The following ATP8B1 variants were observed in gnomAD, a reference collection of about 807,000 sequenced individuals.
ATP8B1 encodes the protein ATPase phospholipid transporting 8B1, also known as phospholipid-transporting ATPase IC.
ATP8B1 carries 80 observed loss-of-function variants against 149.9 expected under a neutral mutation model. That is an observed-to-expected ratio of 0.53 (90% CI 0.45 to 0.64). The LOEUF (loss-of-function observed/expected upper bound fraction) is 0.64. ATP8B1 is among the 30% of genes least tolerant of loss of function. The pLI, the probability that ATP8B1 is intolerant of heterozygous loss-of-function variation, is 0.00. For synonymous variants in ATP8B1, 536 were observed against 562.8 expected (o/e 0.95, Z 0.67); for missense variants, 1,247 against 1,552.6 (o/e 0.80, Z 3.31).
chr18:57,717,547 C>CAAAAAA (rs1163024544), intron 2 of ATP8B1, among the ~76,000 whole-genome samples: 2 of 19,928 alleles, frequency 1.0e-4, no homozygotes, highest in African/African-American at 2.5e-4. Flanking sequence ...GACTCTGTCT[C>CAAAAAA]AAAAAAAAAA....
chr18:57,780,431 T>C (rs891614132), intron 1 of ATP8B1, among the ~76,000 whole-genome samples: 2 of 152,214 alleles, frequency 1.3e-5, no homozygotes. Flanking sequence ...TGTTTACATA[T>C]ATTAACAGCT....
chr18:57,735,923 C>A (rs1031245343), intron 1 of ATP8B1, among the ~76,000 whole-genome samples: 1 of 152,082 alleles, frequency 6.6e-6, no homozygotes, highest in East Asian at 1.9e-4. Context: ...AGGTTTTAAG[C>A]CCTGCATGCA....
At chr18:57,715,997 A>AT (rs1332208895) in intron 2 of ATP8B1, among the ~76,000 whole-genome samples, 2 of 152,236 alleles carry the variant, frequency 1.3e-5, no homozygotes, top group African/African-American at 4.8e-5. Flanking sequence ...TGACTAAAAG[A>AT]TTAACTGATA....
intron 2 of ATP8B1, among the ~76,000 whole-genome samples, chr18:57,729,256 C>T (rs1442511642): frequency 6.6e-6 from 1 of 152,144 alleles, no homozygotes; most frequent in African/African-American, 2.4e-5. Flanking sequence ...CCACCAAGCA[C>T]CAAGAGCAAA....
At chr18:57,715,875 CAATAAG>C (rs1272277155) in intron 2 of ATP8B1, among the ~76,000 whole-genome samples, 1 of 152,044 alleles carries the variant, frequency 6.6e-6, no homozygotes, top group African/African-American at 2.4e-5. Flanking sequence ...TGTTAGTGAG[CAATAAG>C]AAATCACCTG....
At chr18:57,686,101 CAACAACAAA>C (rs1204524384) in intron 13 of ATP8B1, among the ~76,000 whole-genome samples, 1 of 151,678 alleles carries the variant, frequency 6.6e-6, no homozygotes, top group Non-Finnish European at 1.5e-5. Context: ...GCAACAACAA[CAACAACAAA>C]AATTAGCCAG....
intron 4 of ATP8B1, 72 bp from the exon 5 acceptor site, chr18:57,701,385 T>G: frequency 7.5e-7 from 1 of 1,336,790 alleles, no homozygotes; most frequent in Non-Finnish European, 1.1e-6. Flanking sequence ...TATTGCTAAT[T>G]CTAAGCTTGC....
chr18:57,664,765 T>C (rs190106311), intron 20 of ATP8B1, among the ~76,000 whole-genome samples: 1 of 152,304 alleles, frequency 6.6e-6, no homozygotes, highest in African/African-American at 2.4e-5. Context: ...AATCTCTTCA[T>C]GTTACAAATA....
intron 7 of ATP8B1, 29 bp downstream of exon 7, chr18:57,697,766 A>C: frequency 6.2e-7 from 1 of 1,613,118 alleles, no homozygotes; most frequent in Non-Finnish European, 8.5e-7. Flanking sequence ...GAGAACAAGG[A>C]ACAAGAGAAG....
At chr18:57,698,323 A>G (rs1912931487) in intron 6 of ATP8B1, among the ~76,000 whole-genome samples, 1 of 151,018 alleles carries the variant, frequency 6.6e-6, no homozygotes, top group Non-Finnish European at 1.5e-5. Context: ...TGCTGTTTAA[A>G]TTATCTTTAT....
Position 57,648,089 on chromosome 18 carries a change from C to T in ATP8B1, c.*399G>A, listed in dbSNP as rs983310240. The T allele has an allele frequency of 8.8e-6, 3 of 341,472 alleles. No individual in the cohort carries two copies. Among genetic ancestry groups the T allele is most frequent in the South Asian group, 4.9e-5 (2 of 41,172 alleles). 21.2% of individuals were successfully genotyped at this position (341,472 alleles called of 1,614,324 possible). A position where few individuals can be genotyped will look rare whatever the true frequency, so the allele number is the denominator to read the frequency against. ...GTAACCTCCATCTCCCAGGTTCAAGCGATTCTTCTGCTTCAGCTTCTCAAA... is the reference window on the plus strand; with the variant it reads ...GTAACCTCCATCTCCCAGGTTCAAGTGATTCTTCTGCTTCAGCTTCTCAAA... On this transcript the variant is annotated 3_prime_UTR_variant, in exon 28 of 28. Coordinates refer to ENST00000648908, the MANE Select transcript of ATP8B1 (RefSeq NM_001374385.1).
chr18:57,722,152 T>C (rs1284396191), intron 2 of ATP8B1, among the ~76,000 whole-genome samples: 1 of 148,866 alleles, frequency 6.7e-6, no homozygotes, highest in African/African-American at 2.5e-5. Flanking sequence ...GCAGGAAAGA[T>C]CCAAAATTGA....
At chr18:57,650,227 T>G in intron 27 of ATP8B1, 140 bp downstream of exon 27, 1 of 1,087,272 alleles carries the variant, frequency 9.2e-7, no homozygotes, top group South Asian at 1.4e-5. Context: ...ATTTGTGAGA[T>G]AGAGTTAAAG....
chr18:57,651,256 C>T (rs1010279289), intron 26 of ATP8B1, among the ~76,000 whole-genome samples: 1 of 152,216 alleles, frequency 6.6e-6, no homozygotes, highest in African/African-American at 2.4e-5. Flanking sequence ...CAGGTGTGCG[C>T]CACCACGCTT....
At chr18:57,682,924 G>A (rs2122811213) in intron 15 of ATP8B1, among the ~76,000 whole-genome samples, 1 of 152,050 alleles carries the variant, frequency 6.6e-6, no homozygotes, top group African/African-American at 2.4e-5. Context: ...CTGCAGCCTT[G>A]ACCTCCTGGG....
Position 57,784,341 on chromosome 18 carries a change from T to C in ATP8B1, c.-26+18657A>G, listed in dbSNP as rs2080386656. 2.0e-5 allele frequency among the ~76,000 whole-genome samples: 3 copies of C among 152,128 alleles called. No homozygotes were observed. Among genetic ancestry groups the C allele is most frequent in the Non-Finnish European group, 4.4e-5 (3 of 68,016 alleles). ...CAGGATCTGAGTGGGTGCTCTGGTT[T>C]GGAAGGGGCAGGGTAGAAGTGTAGC... On this transcript the variant is annotated intron_variant, in intron 1 of 27. Transcript: ENST00000648908. This position sits in a 1 kb window ranked among gnomAD's most constrained non-coding sequence, Gnocchi z 4.4.
chr18:57,673,009 A>G (rs1294373669), intron 16 of ATP8B1, among the ~76,000 whole-genome samples: 21 of 143,752 alleles, frequency 1.5e-4, no homozygotes, highest in African/African-American at 5.1e-4. Flanking sequence ...ATATAAATAT[A>G]CATATATAAA....
At chr18:57,759,913 T>G (rs1382978652) in intron 1 of ATP8B1, among the ~76,000 whole-genome samples, 3 of 152,014 alleles carry the variant, frequency 2.0e-5, no homozygotes, top group African/African-American at 4.8e-5. Context: ...GCAAACCAAC[T>G]GCAGCTTAAT....
chr18:57,795,604 C>T (rs571861681), intron 1 of ATP8B1, among the ~76,000 whole-genome samples: 8 of 152,066 alleles, frequency 5.3e-5, no homozygotes, highest in Non-Finnish European at 1.2e-4. Flanking sequence ...ATAAGCTAGT[C>T]ATAAAAGGGC....
Sources: gnomAD v4.1 joint callset for allele counts (sites outside exome capture counted in the v4.1 genomes callset) on GRCh38, gnomAD v4.1.1 for gene constraint, Gnocchi (gnomAD v3.1) non-coding constraint, MANE v1.5 for transcripts, NCBI Gene and HGNC (gene_info 2026-07-23, HGNC 2026-07-21) for gene names.